FGL1: variants seen among roughly 807,000 people sequenced by gnomAD.
The protein encoded by FGL1 is fibrinogen-like protein 1.
Under a neutral mutation model 43.7 loss-of-function variants are expected in FGL1, and 59 were observed. That is an observed-to-expected ratio of 1.35 (90% CI 1.10 to 1.68). The LOEUF is 1.68. Among genes scored for constraint, FGL1 ranks in the 40% most tolerant of loss-of-function variants. The pLI is 0.00. For missense variants in FGL1, 596 were observed against 373.0 expected (o/e 1.60, Z -4.92); for synonymous variants, 192 against 126.5 (o/e 1.52, Z -3.48).
chr8:17,872,026 T>G (rs1302492470), intron 5 of FGL1, among the ~76,000 whole-genome samples: 1 of 152,156 alleles, frequency 6.6e-6, no homozygotes, highest in Non-Finnish European at 1.5e-5. Flanking sequence ...GAAGTTGGTA[T>G]GGCAAATTTT....
At chr8:17,877,462 G>A (rs571714838) in intron 3 of FGL1, among the ~76,000 whole-genome samples, 3 of 152,082 alleles carry the variant, frequency 2.0e-5, no homozygotes, top group African/African-American at 4.8e-5. Context: ...GGTGGCTGAG[G>A]CACAAAGCTG....
chr8:17,875,226 G>A (rs2053427210), intron 3 of FGL1, among the ~76,000 whole-genome samples: 1 of 152,110 alleles, frequency 6.6e-6, no homozygotes, highest in Admixed American at 6.6e-5. Flanking sequence ...ACAACATGCA[G>A]GTTTGTTACA....
At chr8:17,883,836 T>G (rs1426437141) in intron 2 of FGL1, among the ~76,000 whole-genome samples, 1 of 147,756 alleles carries the variant, frequency 6.8e-6, no homozygotes, top group African/African-American at 2.5e-5. Context: ...TACGTTTCCT[T>G]TCTCAGAACC....
At chr8:17,883,869 A>G (rs1290197373) in intron 2 of FGL1, among the ~76,000 whole-genome samples, 3 of 140,812 alleles carry the variant, frequency 2.1e-5, no homozygotes, top group Non-Finnish European at 4.6e-5. Flanking sequence ...CTTTTCTAGG[A>G]TGATTTCTTT....
chr8:17,873,829 G>C (rs1269220891), intron 5 of FGL1, among the ~76,000 whole-genome samples, 190 bp downstream of exon 5: 1 of 150,996 alleles, frequency 6.6e-6, no homozygotes, highest in Admixed American at 6.6e-5. Flanking sequence ...CCCAATTCTA[G>C]CTTTTTTTTC....
intron 3 of FGL1, among the ~76,000 whole-genome samples, chr8:17,879,750 A>T (rs2053507274): frequency 6.6e-6 from 1 of 151,644 alleles, no homozygotes; most frequent in Non-Finnish European, 1.5e-5. Flanking sequence ...TAAACGACCC[A>T]GCCTCATTCA....
At chr8:17,891,457 A>T (rs1450078937) in intron 1 of FGL1, 3 of 152,708 alleles carry the variant, frequency 2.0e-5, no homozygotes, top group African/African-American at 7.2e-5. Flanking sequence ...TCTGTGTCTA[A>T]TTTCCCTCTT....
chr8:17,877,741 C>T (rs1451929167), intron 3 of FGL1, among the ~76,000 whole-genome samples: 1 of 152,170 alleles, frequency 6.6e-6, no homozygotes, highest in Non-Finnish European at 1.5e-5. Context: ...GTGTCCATCC[C>T]TTCAAGCATT....
chr8:17,892,721 T>G (rs380257), intron 1 of FGL1, among the ~76,000 whole-genome samples: 1 of 152,022 alleles, frequency 6.6e-6, no homozygotes, highest in Non-Finnish European at 1.5e-5. Flanking sequence ...GGAAACAAAT[T>G]TTCATTATTT....
At position 17,882,177 on chromosome 8, in the gene FGL1, C is replaced by A. The variant is rs200414846; in HGVS notation, c.66G>T (p.Ala22=). The A allele has an allele frequency of 6.2e-7, 1 of 1,612,126 alleles. No homozygotes were observed. Among genetic ancestry groups the A allele is most frequent in the Admixed American group, 1.7e-5 (1 of 59,752 alleles). ...TCTGCTCCTGGGCACAGTCCTCGAG[C>A]GCCTGCAAAACAGGTGAGATGAGAT... ...TALTMGREIS[A]LEDCAQEQMR... is the part of the protein sequence containing the mutation. The change falls in exon 3 of 8, where the codon GCG becomes GCT. Residue 22 remains alanine (A), a splice_region_variant and synonymous_variant. Coordinates refer to ENST00000427924, the MANE Select transcript of FGL1 (RefSeq NM_004467.4).
chr8:17,880,591 A>G (rs760454356), intron 3 of FGL1, among the ~76,000 whole-genome samples: 2 of 152,166 alleles, frequency 1.3e-5, no homozygotes, highest in Admixed American at 6.5e-5. Context: ...CAGGCACTCT[A>G]ATAGCCAACA....
chr8:17,868,548 C>A lies in FGL1; in HGVS notation c.779G>T (p.Arg260Met), dbSNP rs143006380. The A allele has an allele frequency of 1.9e-6, 3 of 1,608,656 alleles. No homozygotes were observed. Among genetic ancestry groups the A allele is most frequent in the Non-Finnish European group, 2.5e-6 (3 of 1,177,736 alleles). The change falls in exon 7 of 8, where the codon AGG becomes ATG. Residue 260 changes from arginine (R) to methionine (M), a missense_variant and splice_region_variant. By Grantham distance (91) the Arg-to-Met change is moderately conservative. Transcript: ENST00000427924. ...CAACTATGCTCATAAGACATCAAAC[C>A]TGTTAAACCACCAGCCAGACTGATC... ...EEDQSGWWFN[R>M]CHSANLNGVY...
chr8:17,874,014 C>A lies in FGL1; in HGVS notation c.502+5G>T. ...CAAATAAATCTGACATCATTCAAACCTTACCTTGAGTGGTCAAGAAGTGAA... is the reference window on the plus strand; with the variant it reads ...CAAATAAATCTGACATCATTCAAACATTACCTTGAGTGGTCAAGAAGTGAA... On this transcript the variant is annotated splice_donor_5th_base_variant and intron_variant, in intron 5 of 7. Transcript: ENST00000427924. 6.3e-7 allele frequency: 1 copy of A among 1,582,118 alleles called. No homozygotes were observed. The highest frequency in any genetic ancestry group is 1.2e-5 in the South Asian group (1 of 84,578).
chr8:17,877,188 G>A (rs1177287695), intron 3 of FGL1, among the ~76,000 whole-genome samples: 1 of 151,670 alleles, frequency 6.6e-6, no homozygotes, highest in East Asian at 1.9e-4. Flanking sequence ...CTGGAGAATA[G>A]GTAGAAGAAA....
chr8:17,874,674 C>T (rs1473195773), intron 3 of FGL1, 153 bp from the exon 4 acceptor site: 2 of 453,546 alleles, frequency 4.4e-6, no homozygotes, highest in Non-Finnish European at 7.4e-6. Flanking sequence ...GTACATCTTC[C>T]AGTGGATATT....
chr8:17,890,332 A>G (rs2053686461), intron 1 of FGL1, among the ~76,000 whole-genome samples: 1 of 152,176 alleles, frequency 6.6e-6, no homozygotes. Context: ...TTCACCGACA[A>G]AGCTTTACAT....
At chr8:17,887,910 C>T (rs1760833351) in intron 1 of FGL1, among the ~76,000 whole-genome samples, 1 of 151,358 alleles carries the variant, frequency 6.6e-6, no homozygotes. Flanking sequence ...TAATTTGTAG[C>T]AACAATTTAT....
At chr8:17,869,484 T>G (rs949646173) in intron 5 of FGL1, among the ~76,000 whole-genome samples, 1 of 152,210 alleles carries the variant, frequency 6.6e-6, no homozygotes, top group Admixed American at 6.5e-5. Context: ...TGCATATGCC[T>G]GAACTTGGTT....
chr8:17,866,213 T>A (rs2053267405), intron 7 of FGL1, among the ~76,000 whole-genome samples: 1 of 152,188 alleles, frequency 6.6e-6, no homozygotes, highest in South Asian at 2.1e-4. Flanking sequence ...CGTTTAGTTT[T>A]TAGAACAGCC....
Sources: gnomAD v4.1 joint callset for allele counts (sites outside exome capture counted in the v4.1 genomes callset) on GRCh38, gnomAD v4.1.1 for gene constraint, MANE v1.5 for transcripts, NCBI Gene and HGNC (gene_info 2026-07-23, HGNC 2026-07-21) for gene names.